Variants in HHEX observed in about 807,000 individuals in gnomAD.
HHEX encodes hematopoietically-expressed homeobox protein HHEX.
Under a neutral mutation model 27.0 loss-of-function variants are expected in HHEX, and 8 were observed. The observed-to-expected ratio is 0.30, with a 90% CI of 0.17 to 0.54. HHEX has a LOEUF of 0.54. Ranked by LOEUF, HHEX falls within the 20% of genes least tolerant of loss-of-function variation. The pLI is 0.95. For synonymous variants in HHEX, 164 were observed against 161.5 expected (o/e 1.02, Z -0.12); for missense variants, 326 against 357.2 (o/e 0.91, Z 0.70).
Position 92,694,673 on chromosome 10 carries a change from CCT to C in HHEX, c.719_720del (p.Pro240ArgfsTer7). ...GGATAGCTCTCAATGTTCGCCCTCC[CCT>C]GCCTCCCAGGAAGACCTTGAATCAG... ...SLDSSQCSPS[P>X]ASQEDLESEI... On this transcript the variant is annotated frameshift_variant, in exon 4 of 4. Coordinates refer to ENST00000282728, the MANE Select transcript of HHEX (RefSeq NM_002729.5). LOFTEE classifies it high-confidence loss of function. 4.3e-6 allele frequency: 7 copies of C among 1,614,106 alleles called. No individual in the cohort carries two copies. The highest frequency in any genetic ancestry group is 5.9e-6 in the Non-Finnish European group (7 of 1,179,984).
In HHEX at chr10:92,690,010, G is replaced by A. The variant is rs1411051892; in HGVS notation, c.24G>A (p.Pro8=). The A allele has an allele frequency of 6.8e-7, 1 of 1,472,666 alleles. No individual in the cohort carries two copies. The highest frequency in any genetic ancestry group is 8.9e-7 in the Non-Finnish European group (1 of 1,118,616). The allele number at this position is 1,472,666 out of a possible 1,614,324, so 91.2% of individuals were successfully genotyped here. The change falls in exon 1 of 4, where the codon CCG becomes CCA. Residue 8 remains proline (P), a synonymous_variant. Coordinates refer to ENST00000282728, the MANE Select transcript of HHEX (RefSeq NM_002729.5). ...CCATGCAGTACCCGCACCCCGGGCC[G>A]GCGGCGGGCGCCGTGGGGGTGCCGC... The part of the protein sequence containing the change: MQYPHPG[P]AAGAVGVPLY...
Position 92,694,769 on chromosome 10 carries a change from T to G in HHEX, c.*1T>G. Reference sequence around the variant, plus strand: ...TAAAAGCTATTTTAATGCTGGATGATGACCACTGGCATTGGCATGTTCAGA... The same window carrying G: ...TAAAAGCTATTTTAATGCTGGATGAGGACCACTGGCATTGGCATGTTCAGA... On this transcript the variant is annotated 3_prime_UTR_variant, in exon 4 of 4. Transcript: ENST00000282728. The G allele has an allele frequency of 6.3e-7, 1 of 1,596,056 alleles. No individual in the cohort carries two copies. The highest frequency in any genetic ancestry group is 8.6e-7 in the Non-Finnish European group (1 of 1,164,026).
Position 92,695,165 on chromosome 10 carries a change from A to G in HHEX, c.*397A>G, listed in dbSNP as rs774447020. On this transcript the variant is annotated 3_prime_UTR_variant, in exon 4 of 4. Coordinates refer to ENST00000282728, the MANE Select transcript of HHEX (RefSeq NM_002729.5). Reference sequence around the variant, plus strand: ...TCTGTAATCTGTTTATCTCCCACTTAATGGAAAGGCAAAGGGGTACCCCAA... The same window carrying G: ...TCTGTAATCTGTTTATCTCCCACTTGATGGAAAGGCAAAGGGGTACCCCAA... 3.6e-5 allele frequency: 6 copies of G among 165,780 alleles called. No individual in the cohort carries two copies. The highest frequency in any genetic ancestry group is 5.2e-5 in the Non-Finnish European group (4 of 76,694). The allele number at this position is 165,780 out of a possible 1,614,324, so 10.3% of individuals were successfully genotyped here.
At chr10:92,691,221 A>T (rs1369927537) in intron 1 of HHEX, among the ~76,000 whole-genome samples, 1 of 152,186 alleles carries the variant, frequency 6.6e-6, no homozygotes, top group African/African-American at 2.4e-5. Flanking sequence ...CACATAGGGC[A>T]TATATTCCAG....
intron 1 of HHEX, among the ~76,000 whole-genome samples, chr10:92,691,409 CAATT>C (rs1159542764): frequency 1.3e-5 from 2 of 152,334 alleles, no homozygotes; most frequent in East Asian, 1.9e-4. Flanking sequence ...ACCCTGAAAA[CAATT>C]AACGTCTTAA....
Position 92,690,044 on chromosome 10 carries a change from C to T in HHEX, c.58C>T (p.Pro20Ser). Residue 20 changes from proline to serine, a missense_variant, in exon 1 of 4, where the codon CCC (proline) becomes TCC (serine). Pro to Ser is a moderately conservative substitution (Grantham distance 74). Around this residue, in one of 4 missense-constraint regions of HHEX, gnomAD observed 215 missense variants for 196.4 expected, o/e 1.09. Transcript: ENST00000282728. ...AGAVGVPLYA[P>S]TPLLQPAHPT... is the part of the protein sequence containing the mutation. ...CGCCGTGGGGGTGCCGCTGTACGCG[C>T]CCACGCCGCTGCTGCAACCCGCACA... The T allele has an allele frequency of 1.3e-6, 2 of 1,531,070 alleles. No individual in the cohort carries two copies. Among genetic ancestry groups the T allele is most frequent in the Non-Finnish European group, 1.8e-6 (2 of 1,140,676 alleles). 94.8% of individuals were successfully genotyped at this position (1,531,070 alleles called of 1,614,324 possible).
At chr10:92,694,345 A>G (rs1845383848) in intron 3 of HHEX, among the ~76,000 whole-genome samples, 1 of 152,230 alleles carries the variant, frequency 6.6e-6, no homozygotes, top group Admixed American at 6.5e-5. Flanking sequence ...TAAGCATATA[A>G]TCTTTGATAT....
At chr10:92,692,170 T>C in intron 1 of HHEX, 198 bp from the exon 2 acceptor site, 1 of 569,390 alleles carries the variant, frequency 1.8e-6, no homozygotes, top group Admixed American at 3.1e-5. Context: ...TGTGTGCATC[T>C]GCGGTGTCAG....
intron 3 of HHEX, among the ~76,000 whole-genome samples, chr10:92,693,839 A>C (rs1391646642): frequency 1.3e-5 from 2 of 152,314 alleles, no homozygotes; most frequent in Non-Finnish European, 2.9e-5. Context: ...TCTTGGTCAA[A>C]GGCTTGACTC....
chr10:92,691,952 C>T (rs1845359150), intron 1 of HHEX: 1 of 158,008 alleles, frequency 6.3e-6, no homozygotes, highest in Admixed American at 6.3e-5. Context: ...TCCTCCCCAA[C>T]ACGCACACAC....
At chr10:92,694,398 G>A (rs745828834) in intron 3 of HHEX, 149 bp from the exon 4 acceptor site, 5 of 633,054 alleles carry the variant, frequency 7.9e-6, no homozygotes, top group Non-Finnish European at 1.4e-5. Context: ...GCACAAGTAT[G>A]TATCTCCTGA....
intron 1 of HHEX, 67 bp downstream of exon 1, chr10:92,690,414 C>G: frequency 7.2e-7 from 1 of 1,389,878 alleles, no homozygotes; most frequent in African/African-American, 1.5e-5. Flanking sequence ...CCCGGGAGGC[C>G]GAGGGGGCGA....
At chr10:92,692,301 C>T (rs953961991) in intron 1 of HHEX, 67 bp from the exon 2 acceptor site, 2 of 1,531,748 alleles carry the variant, frequency 1.3e-6, no homozygotes, top group Non-Finnish European at 1.8e-6. Flanking sequence ...CCCTGGGGCC[C>T]GACAGCTCTG....
chr10:92,691,084 G>GA lies in HHEX; in HGVS notation c.361+743dup, dbSNP rs372624460. Among the ~76,000 whole-genome samples, 837 of 152,184 alleles carry GA rather than the reference G, an allele frequency of 5.5e-3. 10 individuals carry two copies. Among genetic ancestry groups the GA allele is most frequent in the African/African-American group, 0.019 (783 of 41,530 alleles). ...TGAAGCCTGACGCAAGCAAAATCTC[G>GA]AAAAAACAATGCTAGCTTTCAAAGC... is the stretch of plus-strand genomic sequence containing the variant. On this transcript the variant is annotated intron_variant, in intron 1 of 3. Transcript: ENST00000282728.
chr10:92,690,354 C>T lies in HHEX; in HGVS notation c.361+7C>T, dbSNP rs1845340288. On this transcript the variant is annotated splice_region_variant and intron_variant, in intron 1 of 3. Transcript: ENST00000282728. The stretch of plus-strand genomic sequence containing the variant: ...CTCCGCCACGACCCCCTGGGTAAGG[C>T]GGCCGGGCGAGGGTGGGGGCGAGGA... The T allele has an allele frequency of 6.9e-7, 1 of 1,446,806 alleles. No individual in the cohort carries two copies. The allele number at this position is 1,446,806 out of a possible 1,614,324, so 89.6% of individuals were successfully genotyped here.
At chr10:92,694,506 T>C (rs765075792) in intron 3 of HHEX, 41 bp from the exon 4 acceptor site, 1 of 1,462,786 alleles carries the variant, frequency 6.8e-7, no homozygotes, top group East Asian at 2.3e-5. Flanking sequence ...TATCCATATT[T>C]TATGATCCTT....
At position 92,690,220 on chromosome 10, in the gene HHEX, C is replaced by A; in HGVS notation, c.234C>A (p.Ala78=). 1 of 1,572,836 alleles carries A rather than the reference C, an allele frequency of 6.4e-7. No individual in the cohort carries two copies. Among genetic ancestry groups the A allele is most frequent in the Non-Finnish European group, 8.6e-7 (1 of 1,160,114 alleles). ...PVYEPTPIHP[A]FSHHSAAALA... ...ACGAGCCCACGCCGATCCATCCAGCCTTCTCGCACCACTCCGCCGCCGCGC... is the reference window on the plus strand; with the variant it reads ...ACGAGCCCACGCCGATCCATCCAGCATTCTCGCACCACTCCGCCGCCGCGC... The change falls in exon 1 of 4, where the codon GCC becomes GCA. Residue 78 remains alanine (A), a synonymous_variant. Coordinates refer to ENST00000282728, the MANE Select transcript of HHEX (RefSeq NM_002729.5).
At chr10:92,691,806 C>A (rs1158693466) in intron 1 of HHEX, 1 of 152,578 alleles carries the variant, frequency 6.6e-6, no homozygotes, top group African/African-American at 2.4e-5. Context: ...CTGGCCGCCC[C>A]CGCGGGCTGG....
In HHEX at chr10:92,689,963, G is replaced by C. The variant is rs558170145; in HGVS notation, c.-24G>C. 2.0e-5 allele frequency: 26 copies of C among 1,333,210 alleles called. No homozygotes were observed. Among genetic ancestry groups the C allele is most frequent in the Admixed American group, 4.2e-5 (1 of 23,882 alleles). 82.6% of individuals were successfully genotyped at this position (1,333,210 alleles called of 1,614,324 possible). ...CCGCGGCGCGGGCCAGCAGCTCTGC[G>C]AGGGGCCGGAGCGCGGCGGAGCCAT... On this transcript the variant is annotated 5_prime_UTR_variant, in exon 1 of 4. Transcript: ENST00000282728.
Sources: gnomAD v4.1 joint callset for allele counts (sites outside exome capture counted in the v4.1 genomes callset) on GRCh38, gnomAD v4.1.1 for gene constraint, gnomAD v4.1.1 regional missense constraint, MANE v1.5 for transcripts, NCBI Gene and HGNC (gene_info 2026-07-23, HGNC 2026-07-21) for gene names.